Variants in MLLT3 observed in about 807,000 individuals in gnomAD.
MLLT3 encodes the protein protein AF-9.
Under a neutral mutation model 53.2 loss-of-function variants are expected in MLLT3, and 4 were observed. The observed-to-expected ratio is 0.08, with a 90% CI of 0.04 to 0.17. The LOEUF is 0.17. Ranked by LOEUF, MLLT3 falls within the 10% of genes least tolerant of loss-of-function variation. The probability of loss-of-function intolerance (pLI) is 1.00; values close to 1 mark genes in which losing one functional copy is unlikely to be tolerated. For missense variants in MLLT3, 569 were observed against 684.0 expected (o/e 0.83, Z 1.87); for synonymous variants, 283 against 230.6 (o/e 1.23, Z -2.06).
At chr9:20,614,289 G>A (rs984295385) in intron 2 of MLLT3, among the ~76,000 whole-genome samples, 1 of 152,152 alleles carries the variant, frequency 6.6e-6, no homozygotes, top group African/African-American at 2.4e-5. Flanking sequence ...AGCTACTCGG[G>A]AGGCTGAGGC....
chr9:20,488,409 C>T (rs1434469945), intron 2 of MLLT3, among the ~76,000 whole-genome samples: 1 of 151,886 alleles, frequency 6.6e-6, no homozygotes, highest in Non-Finnish European at 1.5e-5. Flanking sequence ...AACTAATAAT[C>T]AAACTGATAA....
chr9:20,473,189 T>C (rs1181221814), intron 2 of MLLT3, among the ~76,000 whole-genome samples: 1 of 152,102 alleles, frequency 6.6e-6, no homozygotes. Flanking sequence ...GCAAAGATGT[T>C]TTCTCTTTGC....
At chr9:20,568,110 A>C (rs1229157144) in intron 2 of MLLT3, among the ~76,000 whole-genome samples, 1 of 152,178 alleles carries the variant, frequency 6.6e-6, no homozygotes. Flanking sequence ...GTGTGTTAGA[A>C]ACTGTGATAC....
intron 4 of MLLT3, among the ~76,000 whole-genome samples, chr9:20,435,553 T>C (rs1359344136): frequency 1.3e-5 from 2 of 152,132 alleles, no homozygotes; most frequent in African/African-American, 4.8e-5. Context: ...TTATATGTCC[T>C]CCAGATAAGG....
chr9:20,367,675 AT>A (rs1821493249), intron 5 of MLLT3, among the ~76,000 whole-genome samples: 1 of 152,134 alleles, frequency 6.6e-6, no homozygotes, highest in South Asian at 2.1e-4. Context: ...TTTCCATCCT[AT>A]TTTTAATATG....
At chr9:20,611,300 C>T (rs1820696523) in intron 2 of MLLT3, among the ~76,000 whole-genome samples, 1 of 152,008 alleles carries the variant, frequency 6.6e-6, no homozygotes, top group Non-Finnish European at 1.5e-5. Context: ...ATCATTCAGA[C>T]AAAATTTATA....
At chr9:20,423,674 C>T (rs537925041) in intron 4 of MLLT3, among the ~76,000 whole-genome samples, 39 of 151,298 alleles carry the variant, frequency 2.6e-4, no homozygotes, top group East Asian at 1.2e-3. Flanking sequence ...ATTAGCCAGG[C>T]GTAGTGGCAT....
At chr9:20,598,392 G>C (rs767656353) in intron 2 of MLLT3, among the ~76,000 whole-genome samples, 2 of 152,170 alleles carry the variant, frequency 1.3e-5, no homozygotes, top group Non-Finnish European at 2.9e-5. Flanking sequence ...ATGAGTCTCT[G>C]AGGGCAGAGA....
At chr9:20,447,076 T>C (rs1333829611) in intron 4 of MLLT3, among the ~76,000 whole-genome samples, 4 of 152,116 alleles carry the variant, frequency 2.6e-5, no homozygotes, top group African/African-American at 2.4e-5. Flanking sequence ...TCACCCAGAA[T>C]AGTCACACAA....
At chr9:20,560,829 A>AT (rs1180883091) in intron 2 of MLLT3, among the ~76,000 whole-genome samples, 1 of 151,896 alleles carries the variant, frequency 6.6e-6, no homozygotes, top group Non-Finnish European at 1.5e-5. Context: ...ACATGTGAGT[A>AT]TTTTTTACAC....
At chr9:20,381,113 T>C (rs1210436062) in intron 5 of MLLT3, among the ~76,000 whole-genome samples, 2 of 152,000 alleles carry the variant, frequency 1.3e-5, no homozygotes. Context: ...TCTGAAATTG[T>C]GCTGAAATGA....
chr9:20,426,671 C>G (rs1457113077), intron 4 of MLLT3, among the ~76,000 whole-genome samples: 1 of 152,000 alleles, frequency 6.6e-6, no homozygotes, highest in Non-Finnish European at 1.5e-5. Context: ...TATGGCTTTG[C>G]AGAAAACAAC....
Position 20,346,386 on chromosome 9 carries a change from A to T in MLLT3, c.*57T>A. On this transcript the variant is annotated 3_prime_UTR_variant, in exon 11 of 11. Coordinates refer to ENST00000380338, the MANE Select transcript of MLLT3 (RefSeq NM_004529.4). ...AGAACAAAAAATCACAACCAAAAAA[A>T]AAAAAAACCAAAAAAAAAAAACACA... is the stretch of plus-strand genomic sequence containing the variant. 1 of 1,456,692 alleles carries T rather than the reference A, an allele frequency of 6.9e-7. No individual in the cohort carries two copies. The highest frequency in any genetic ancestry group is 9.1e-7 in the Non-Finnish European group (1 of 1,095,066). 90.2% of individuals were successfully genotyped at this position (1,456,692 alleles called of 1,614,324 possible).
chr9:20,453,886 T>C (rs1217466358), intron 3 of MLLT3, among the ~76,000 whole-genome samples: 2 of 152,224 alleles, frequency 1.3e-5, no homozygotes, highest in African/African-American at 4.8e-5. Context: ...AGGTGTATCC[T>C]ACTTTTCTAT....
chr9:20,517,092 G>C (rs1467328959), intron 2 of MLLT3, among the ~76,000 whole-genome samples: 7 of 152,182 alleles, frequency 4.6e-5, no homozygotes, highest in African/African-American at 1.7e-4. Context: ...CCAGGTGCTA[G>C]TATAGGTTGT....
intron 2 of MLLT3, among the ~76,000 whole-genome samples, chr9:20,569,476 C>T (rs920989515): frequency 1.3e-5 from 2 of 152,152 alleles, no homozygotes; most frequent in Non-Finnish European, 2.9e-5. Flanking sequence ...CCCCAATTAA[C>T]ACCCCACAAA....
rs544482929 is a variant in MLLT3, at chr9:20,346,013, T to C, written c.*430A>G. 17 of 235,560 alleles carry C rather than the reference T, an allele frequency of 7.2e-5. No individual in the cohort carries two copies. The highest frequency in any genetic ancestry group is 1.3e-3 in the Middle Eastern group (1 of 772). The allele number at this position is 235,560 out of a possible 1,614,324, so 14.6% of individuals were successfully genotyped here. ...TGATGGTGTCATTCCCTCAACGACTTAGAATATCTGTATGCGATAATAAAT... is the reference window on the plus strand; with the variant it reads ...TGATGGTGTCATTCCCTCAACGACTCAGAATATCTGTATGCGATAATAAAT... On this transcript the variant is annotated 3_prime_UTR_variant, in exon 11 of 11. Transcript: ENST00000380338.
chr9:20,466,471 C>T (rs756525248), intron 2 of MLLT3, among the ~76,000 whole-genome samples: 1 of 152,134 alleles, frequency 6.6e-6, no homozygotes, highest in Non-Finnish European at 1.5e-5. Context: ...CCTACTTTTA[C>T]AGAGTATGGG....
intron 2 of MLLT3, among the ~76,000 whole-genome samples, chr9:20,537,714 A>C (rs1036342569): frequency 6.6e-6 from 1 of 152,190 alleles, no homozygotes; most frequent in Non-Finnish European, 1.5e-5. Context: ...AAGAAGAAGA[A>C]ATTTAAAAGC....
Sources: allele counts gnomAD v4.1 joint callset (sites outside exome capture counted in the v4.1 genomes callset), GRCh38; gene constraint gnomAD v4.1.1; transcripts MANE v1.5; gene names NCBI Gene and HGNC (gene_info 2026-07-23, HGNC 2026-07-21).